The following NRXN3 variants were observed in gnomAD, a reference collection of about 807,000 sequenced individuals.
The protein encoded by NRXN3 is neurexin 3.
NRXN3 carries 32 observed loss-of-function variants against 137.6 expected under a neutral mutation model. The ratio of observed to expected loss-of-function variants is 0.23; its 90% CI spans 0.18 to 0.31. NRXN3 has a LOEUF of 0.31. Among genes scored for constraint, NRXN3 ranks in the 10% least tolerant of loss-of-function variants. The pLI, the probability that NRXN3 is intolerant of heterozygous loss-of-function variation, is 1.00. For missense variants in NRXN3, 1,574 were observed against 2,062.5 expected (o/e 0.76, Z 4.59); for synonymous variants, 798 against 784.5 (o/e 1.02, Z -0.29).
intron 16 of NRXN3, among the ~76,000 whole-genome samples, chr14:79,515,362 A>T (rs2096972867): frequency 6.6e-6 from 1 of 150,624 alleles, no homozygotes; most frequent in African/African-American, 2.5e-5. Context: ...TCCCACGATG[A>T]TGACTCAGTG....
chr14:79,041,529 T>C (rs1416302798), intron 15 of NRXN3, among the ~76,000 whole-genome samples: 3 of 152,178 alleles, frequency 2.0e-5, no homozygotes, highest in Non-Finnish European at 4.4e-5. Flanking sequence ...AATATAGCCT[T>C]GGGTTCTGGG....
intron 4 of NRXN3, among the ~76,000 whole-genome samples, chr14:78,632,100 C>T (rs6574459): frequency 0.057 from 8,044 of 141,838 alleles, 450 homozygotes; most frequent in East Asian, 0.18. Context: ...GGCGACAGAG[C>T]GAGACTCCGT....
chr14:79,243,067 T>A (rs2074561824), intron 15 of NRXN3, among the ~76,000 whole-genome samples: 1 of 152,212 alleles, frequency 6.6e-6, no homozygotes, highest in African/African-American at 2.4e-5. Context: ...AGCATTCATC[T>A]TTCCTGTATT....
At chr14:78,383,392 A>G (rs2089462192) in intron 4 of NRXN3, among the ~76,000 whole-genome samples, 1 of 152,184 alleles carries the variant, frequency 6.6e-6, no homozygotes, top group South Asian at 2.1e-4. Context: ...AAAGCTCTAC[A>G]TGGTGACTAC....
intron 15 of NRXN3, among the ~76,000 whole-genome samples, chr14:79,428,395 G>T (rs1011794174): frequency 3.3e-5 from 5 of 151,962 alleles, no homozygotes; most frequent in African/African-American, 1.2e-4. Flanking sequence ...AACCATGTCT[G>T]CCTAGTACCT....
chr14:79,227,313 C>G (rs557089006), intron 15 of NRXN3, among the ~76,000 whole-genome samples: 9 of 152,088 alleles, frequency 5.9e-5, no homozygotes, highest in Non-Finnish European at 1.0e-4. Flanking sequence ...TCTTTCACCT[C>G]TTATACTTTC....
chr14:78,596,815 C>G (rs75495239), intron 4 of NRXN3, among the ~76,000 whole-genome samples: 2,823 of 152,212 alleles, frequency 0.019, 88 homozygotes, highest in African/African-American at 0.064. Flanking sequence ...ATAATAACTG[C>G]ATTAATAAAG....
chr14:79,141,807 G>C (rs1457750265), intron 15 of NRXN3, among the ~76,000 whole-genome samples: 3 of 152,170 alleles, frequency 2.0e-5, no homozygotes, highest in Admixed American at 1.3e-4. Context: ...CATTTTACCT[G>C]AAGTGACAGC....
At chr14:79,685,605 A>G (rs1796292945) in intron 17 of NRXN3, among the ~76,000 whole-genome samples, 1 of 152,236 alleles carries the variant, frequency 6.6e-6, no homozygotes. Context: ...CTTAAATTAT[A>G]GGAATGAATA....
chr14:78,984,893 T>G, intron 14 of NRXN3, among the ~76,000 whole-genome samples: 1 of 152,186 alleles, frequency 6.6e-6, no homozygotes, highest in East Asian at 1.9e-4. Flanking sequence ...GAGCTCAATC[T>G]TGAAAGGAGG....
At position 78,943,619 on chromosome 14, in the gene NRXN3, A is replaced by T. The variant is rs78958160; in HGVS notation, c.2276-13623A>T. 5.2e-3 allele frequency among the ~76,000 whole-genome samples: 224 copies of T among 42,784 alleles called. 7 individuals carry two copies. Among genetic ancestry groups the T allele is most frequent in the South Asian group, 0.027 (22 of 828 alleles). The allele number at this position is 42,784 out of a possible 152,430, so 28.1% of individuals were successfully genotyped here. A position where few individuals can be genotyped will look rare whatever the true frequency, so the allele number is the denominator to read the frequency against. ...GAAGCAAGATCACTGTTAAAAAAAAAAAATATATATATATATATATATATA... is the reference window on the plus strand; with the variant it reads ...GAAGCAAGATCACTGTTAAAAAAAATAAATATATATATATATATATATATA... On this transcript the variant is annotated intron_variant, in intron 10 of 20. Coordinates refer to ENST00000335750, the MANE Select transcript of NRXN3 (RefSeq NM_001330195.2).
At chr14:78,385,428 C>T (rs2089823242) in intron 4 of NRXN3, among the ~76,000 whole-genome samples, 1 of 151,944 alleles carries the variant, frequency 6.6e-6, no homozygotes, top group Admixed American at 6.6e-5. Context: ...ATTAAGTCAG[C>T]ACAAAAAATT....
chr14:78,865,801 T>C (rs2099085282), intron 10 of NRXN3, among the ~76,000 whole-genome samples: 1 of 152,180 alleles, frequency 6.6e-6, no homozygotes, highest in Non-Finnish European at 1.5e-5. Context: ...GCAGTCAGTA[T>C]ACAGAGGTTT....
chr14:79,519,419 C>T (rs948095718), intron 16 of NRXN3, among the ~76,000 whole-genome samples: 2 of 151,862 alleles, frequency 1.3e-5, no homozygotes, highest in African/African-American at 4.8e-5. Flanking sequence ...TTCTCCTTTT[C>T]CCTATATGAA....
intron 1 of NRXN3, among the ~76,000 whole-genome samples, chr14:78,240,101 C>T (rs1417828927): frequency 2.0e-5 from 3 of 152,198 alleles, no homozygotes; most frequent in Non-Finnish European, 4.4e-5. Context: ...TTTCATGCTA[C>T]CAAAGTCATG....
chr14:78,990,680 A>G (rs1420296013), intron 15 of NRXN3, among the ~76,000 whole-genome samples: 3 of 152,118 alleles, frequency 2.0e-5, no homozygotes, highest in Non-Finnish European at 4.4e-5. Context: ...GGAGTGTGAT[A>G]AGTATATAGA....
intron 15 of NRXN3, among the ~76,000 whole-genome samples, chr14:79,409,596 AGTGTGTGT>A (rs34072420): frequency 2.3e-5 from 3 of 128,954 alleles, no homozygotes; most frequent in African/African-American, 8.6e-5. Flanking sequence ...TGTCTTAGCA[AGTGTGTGT>A]GTGTGTGTGT....
chr14:79,438,717 A>C (rs2095882469), intron 15 of NRXN3, among the ~76,000 whole-genome samples: 1 of 152,246 alleles, frequency 6.6e-6, no homozygotes, highest in Admixed American at 6.5e-5. Context: ...AGGGAATGTG[A>C]AATAAAAACT....
intron 8 of NRXN3, among the ~76,000 whole-genome samples, chr14:78,724,686 G>A (rs1469643104): frequency 6.6e-5 from 10 of 152,184 alleles, no homozygotes; most frequent in Admixed American, 1.3e-4. Context: ...TAGTCATGCC[G>A]TTATAGCAAA....
Sources: gnomAD v4.1 joint callset for allele counts (sites outside exome capture counted in the v4.1 genomes callset) on GRCh38, gnomAD v4.1.1 for gene constraint, MANE v1.5 for transcripts, NCBI Gene and HGNC (gene_info 2026-07-23, HGNC 2026-07-21) for gene names.